Variants in MYOM3 observed in about 807,000 individuals in gnomAD.
MYOM3 encodes the protein myomesin 3.
In MYOM3, 155 loss-of-function variants were observed where a neutral mutation model predicts 191.7. The observed-to-expected ratio is 0.81, with a 90% confidence interval of 0.71 to 0.92. MYOM3 has a LOEUF of 0.92. MYOM3 is among the 40% of genes least tolerant of loss of function. The probability of loss-of-function intolerance (pLI) is 0.00; values close to 1 mark genes in which losing one functional copy is unlikely to be tolerated. For synonymous variants in MYOM3, 757 were observed against 762.9 expected (o/e 0.99, Z 0.13); for missense variants, 1,889 against 1,890.6 (o/e 1.00, Z 0.02).
At chr1:24,093,331 C>A (rs1001516004) in intron 9 of MYOM3, among the ~76,000 whole-genome samples, 1 of 151,812 alleles carries the variant, frequency 6.6e-6, no homozygotes, top group African/African-American at 2.4e-5. Flanking sequence ...AGGGCCAGTG[C>A]GGGGCTGGGG....
intron 23 of MYOM3, among the ~76,000 whole-genome samples, chr1:24,073,567 T>C (rs11249100): frequency 0.39 from 59,514 of 151,854 alleles, 12,052 homozygotes; most frequent in East Asian, 0.44. Flanking sequence ...TTGCTCTTAC[T>C]AAAAGTGGGA....
intron 35 of MYOM3, 89 bp from the exon 36 acceptor site, chr1:24,059,068 C>T (rs1643337403): frequency 2.4e-6 from 2 of 835,926 alleles, no homozygotes; most frequent in African/African-American, 3.4e-5. Flanking sequence ...TATTTTTAAG[C>T]AAGGCTTCTT....
rs572317702 is a variant in MYOM3, at chr1:24,063,375, C to T, written c.3661+117G>A. On this transcript the variant is annotated intron_variant, in intron 31 of 36. Coordinates refer to ENST00000374434, the MANE Select transcript of MYOM3 (RefSeq NM_152372.4). This position sits in a 1 kb window ranked among gnomAD's most constrained non-coding sequence, Gnocchi z 4.5. ...CTGTGAAGAGGCGGGATTTTCTCTT[C>T]GGTGTTTGAGGTTAGAAACTAAACC... The T allele has an allele frequency of 7.4e-5, 106 of 1,426,554 alleles. No individual in the cohort carries two copies. The highest frequency in any genetic ancestry group is 5.4e-4 in the Admixed American group (32 of 58,918). 88.4% of individuals were successfully genotyped at this position (1,426,554 alleles called of 1,614,324 possible).
rs1460850640 is a variant in MYOM3, at chr1:24,065,960, G to A, written c.3465C>T (p.Phe1155=). The change falls in exon 29 of 37, where the codon TTC becomes TTT. Residue 1155 remains phenylalanine (F), a synonymous_variant. Transcript: ENST00000374434. ...TKKETRFQWF[F]QRAEMPDGQY... is the part of the protein sequence containing the mutation. ...GACCATCTGGCATCTCTGCCCTCTG[G>A]AAGAACCACTGAAAGCGAGTCTCCT... The A allele has an allele frequency of 1.1e-5, 17 of 1,614,040 alleles. No homozygotes were observed. The highest frequency in any genetic ancestry group is 1.7e-5 in the Admixed American group (1 of 60,006).
chr1:24,081,888 C>T, intron 18 of MYOM3, 113 bp downstream of exon 18: 1 of 1,039,630 alleles, frequency 9.6e-7, no homozygotes, highest in South Asian at 1.7e-5. Flanking sequence ...ATGGCTGAGG[C>T]AGGGGAACTT....
intron 32 of MYOM3, 115 bp from the exon 33 acceptor site, chr1:24,062,224 A>C: frequency 6.9e-6 from 7 of 1,017,404 alleles, no homozygotes; most frequent in South Asian, 1.5e-5. Flanking sequence ...ATGGGTGGTG[A>C]CTATGAGGCA....
At chr1:24,108,364 G>A in intron 2 of MYOM3, 112 bp downstream of exon 2, 2 of 1,184,318 alleles carry the variant, frequency 1.7e-6, no homozygotes, top group South Asian at 3.3e-5. Context: ...AAGCAGGGAT[G>A]TCCCTCCCCC....
rs535191245 is a variant in MYOM3 at position 24,068,083 on chromosome 1, G to A, written c.3296-54C>T. On this transcript the variant is annotated intron_variant, in intron 26 of 36. Coordinates refer to ENST00000374434, the MANE Select transcript of MYOM3 (RefSeq NM_152372.4). ...GAGCCGAGAGGAGTGTGGGTCTGGA[G>A]AGGGGACATGGGGTGGACAGAAGTC... is the stretch of plus-strand genomic sequence containing the variant. 2.1e-5 allele frequency: 34 copies of A among 1,601,782 alleles called. No homozygotes were observed. In the Admixed American group the frequency reaches 5.3e-4, roughly 25 times the overall value.
chr1:24,072,653 G>A (rs566463505), intron 23 of MYOM3, among the ~76,000 whole-genome samples: 2 of 152,210 alleles, frequency 1.3e-5, no homozygotes, highest in Admixed American at 6.5e-5. Context: ...TCCTGCCTCA[G>A]CCTCCCAAGT....
chr1:24,103,111 T>C (rs1418815483), intron 5 of MYOM3, among the ~76,000 whole-genome samples: 1 of 152,214 alleles, frequency 6.6e-6, no homozygotes, highest in Non-Finnish European at 1.5e-5. Context: ...GGCAACCTCG[T>C]TGGCAGGGGT....
Position 24,082,620 on chromosome 1 carries a change from CGGT to C in MYOM3, c.2062_2064del (p.Thr688del). ...AGAGCCTGCTTGACCCTGATGGGCT[CGGT>C]GGCGGCTGAGCTCTCGCCTACCCCA... On this transcript the variant is annotated inframe_deletion, in exon 17 of 37. Transcript: ENST00000374434. 1 of 1,611,140 alleles carries C rather than the reference CGGT, an allele frequency of 6.2e-7. No homozygotes were observed. Among genetic ancestry groups the C allele is most frequent in the Non-Finnish European group, 8.5e-7 (1 of 1,178,992 alleles).
chr1:24,063,612 G>T lies in MYOM3; in HGVS notation c.3623-82C>A. The stretch of plus-strand genomic sequence containing the variant: ...AGGAGTGGGGACATCCTAGAAAAAG[G>T]CTGGTGGAGCCCGTGAGCTGCTCTC... On this transcript the variant is annotated intron_variant, in intron 30 of 36. Transcript: ENST00000374434. This position sits in a 1 kb window ranked among gnomAD's most constrained non-coding sequence, Gnocchi z 4.5. 1 of 1,531,724 alleles carries T rather than the reference G, an allele frequency of 6.5e-7. No individual in the cohort carries two copies. Among genetic ancestry groups the T allele is most frequent in the Non-Finnish European group, 9.0e-7 (1 of 1,109,512 alleles). 94.9% of individuals were successfully genotyped at this position (1,531,724 alleles called of 1,614,324 possible). A position where few individuals can be genotyped will look rare whatever the true frequency, so the allele number is the denominator to read the frequency against.
At chr1:24,105,847 C>G in intron 5 of MYOM3, 73 bp downstream of exon 5, 2 of 1,425,460 alleles carry the variant, frequency 1.4e-6, no homozygotes, top group Admixed American at 4.1e-5. Flanking sequence ...GAAGTCCTGG[C>G]AGAAGTATTG....
At chr1:24,092,487 G>C (rs1643851085) in intron 10 of MYOM3, among the ~76,000 whole-genome samples, 172 bp from the exon 11 acceptor site, 1 of 152,296 alleles carries the variant, frequency 6.6e-6, no homozygotes, top group South Asian at 2.1e-4. Flanking sequence ...GTATCTGAGG[G>C]AAGGATGACA....
At position 24,090,364 on chromosome 1, in the gene MYOM3, A is replaced by C. The variant is rs28408045; in HGVS notation, c.1433-246T>G. ...GGGACAAGTGGAGACAGAGAGGAGG[A>C]GGGAGGTGCCTGGCGCTGGGCACCC... On this transcript the variant is annotated intron_variant, in intron 12 of 36. Transcript: ENST00000374434. Among the ~76,000 whole-genome samples the C allele has an allele frequency of 2.0e-5, 3 of 152,084 alleles. No individual in the cohort carries two copies. In the South Asian group the frequency reaches 6.2e-4, roughly 32 times the overall value.
chr1:24,093,555 G>T (rs1035661196), intron 9 of MYOM3, among the ~76,000 whole-genome samples: 4 of 151,846 alleles, frequency 2.6e-5, no homozygotes, highest in Admixed American at 6.6e-5. Context: ...AGGACGTGTC[G>T]TGGGGTCAGG....
At chr1:24,072,140 C>T in intron 23 of MYOM3, 127 bp from the exon 24 acceptor site, 1 of 843,646 alleles carries the variant, frequency 1.2e-6, no homozygotes, top group East Asian at 2.6e-5. Flanking sequence ...CTCCCCCGAC[C>T]TTGGGGTTCC....
chr1:24,067,910 C>T (rs1218844259), intron 27 of MYOM3, 60 bp downstream of exon 27: 2 of 1,549,124 alleles, frequency 1.3e-6, no homozygotes, highest in Middle Eastern at 1.7e-4. Context: ...ATCCGCAGTC[C>T]AGCATCTCTA....
chr1:24,108,229 C>CT (rs1644004271), intron 2 of MYOM3, 156 bp from the exon 3 acceptor site: 4 of 775,376 alleles, frequency 5.2e-6, no homozygotes, highest in Non-Finnish European at 4.1e-6. Flanking sequence ...AGGCTGCATC[C>CT]CCCCGACCCT....
Sources: gnomAD v4.1 joint callset for allele counts (sites outside exome capture counted in the v4.1 genomes callset) on GRCh38, gnomAD v4.1.1 for gene constraint, Gnocchi (gnomAD v3.1) non-coding constraint, MANE v1.5 for transcripts, NCBI Gene and HGNC (gene_info 2026-07-23, HGNC 2026-07-21) for gene names.